Variants in TRIOBP observed in about 807,000 individuals in gnomAD.
TRIOBP encodes TRIO and F-actin-binding protein.
TRIOBP carries 169 observed loss-of-function variants against 238.8 expected under a neutral mutation model. That is an observed-to-expected ratio of 0.71 (90% CI 0.62 to 0.80). The LOEUF (loss-of-function observed/expected upper bound fraction) is 0.80. Among genes scored for constraint, TRIOBP ranks in the 30% least tolerant of loss-of-function variants. The probability of loss-of-function intolerance (pLI) is 0.00; values close to 1 mark genes in which losing one functional copy is unlikely to be tolerated. For missense variants in TRIOBP, 2,838 were observed against 3,122.6 expected, an observed-to-expected ratio of 0.91 and a Z score of 2.17; for synonymous variants, 1,150 against 1,274.4, an observed-to-expected ratio of 0.90 and a Z score of 2.08.
intron 12 of TRIOBP, among the ~76,000 whole-genome samples, chr22:37,754,603 C>T (rs1480714564): frequency 6.6e-6 from 1 of 152,126 alleles, no homozygotes; most frequent in African/African-American, 2.4e-5. Context: ...GTCATCACCC[C>T]TCCCTGTCTG....
At chr22:37,718,026 G>T (rs976047542) in intron 6 of TRIOBP, among the ~76,000 whole-genome samples, 1 of 152,206 alleles carries the variant, frequency 6.6e-6, no homozygotes, top group Admixed American at 6.5e-5. Context: ...CCAGCGCAGC[G>T]CTGGTGGGCG....
intron 17 of TRIOBP, 110 bp from the exon 18 acceptor site, chr22:37,765,560 C>T: frequency 2.1e-6 from 3 of 1,439,912 alleles, no homozygotes; most frequent in Non-Finnish European, 2.8e-6. Flanking sequence ...GTGCTGGGAC[C>T]CAGGAGGAGG....
At position 37,765,683 on chromosome 22, in the gene TRIOBP, G is replaced by A. The variant is rs778535739; in HGVS notation, c.6338G>A (p.Arg2113His). 4.2e-5 allele frequency: 65 copies of A among 1,550,790 alleles called. No homozygotes were observed. Among genetic ancestry groups the A allele is most frequent in the Non-Finnish European group, 5.2e-5 (60 of 1,147,670 alleles). Residue 2113 changes from arginine to histidine, a missense_variant, in exon 18 of 24, where the codon CGC (arginine) becomes CAC (histidine). By Grantham distance (29) the Arg-to-His change is conservative. Around this residue, in one of 5 missense-constraint regions of TRIOBP, gnomAD observed 2,096 missense variants for 2,137.4 expected, o/e 0.98. Coordinates refer to ENST00000644935, the MANE Select transcript of TRIOBP (RefSeq NM_001039141.3). ...PGYISQEACE[R>H]SLAEMESSHQ... ...TCCGGCCCACAGGAGGCATGTGAGC[G>A]CAGCCTGGCAGAGATGGAGTCCTCG...
chr22:37,711,169 G>C (rs1923218094), intron 4 of TRIOBP, among the ~76,000 whole-genome samples: 1 of 152,216 alleles, frequency 6.6e-6, no homozygotes, highest in African/African-American at 2.4e-5. Flanking sequence ...AAGTTACTCT[G>C]TCTTTCTGTG....
At chr22:37,727,252 G>GTT (rs544456439) in intron 7 of TRIOBP, among the ~76,000 whole-genome samples, 110 of 144,632 alleles carry the variant, frequency 7.6e-4, no homozygotes, top group East Asian at 1.4e-3. Context: ...AGACTCATGG[G>GTT]TTTTTTTTTT....
At chr22:37,739,747 C>T (rs886137433) in intron 10 of TRIOBP, among the ~76,000 whole-genome samples, 6 of 152,182 alleles carry the variant, frequency 3.9e-5, no homozygotes, top group Admixed American at 6.5e-5. Context: ...TCGCTAAAGG[C>T]GCTGCCAGCC....
Position 37,724,697 on chromosome 22 carries a change from C to T in TRIOBP, c.2141C>T (p.Thr714Ile). The change falls in exon 7 of 24, where the codon ACC becomes ATC. Residue 714 changes from threonine (T) to isoleucine (I), a missense_variant. Transcript: ENST00000644935. ...DDPRASSPNR[T>I]TQQENPRTSC... ...CCCAGAGCCTCCTCTCCTAACAGAA[C>T]CACCCAACAAGAGAACCCCAGAACA... 2.5e-6 allele frequency: 4 copies of T among 1,610,026 alleles called. No individual in the cohort carries two copies. The highest frequency in any genetic ancestry group is 2.2e-5 in the South Asian group (2 of 90,944).
chr22:37,742,689 A>G (rs552943174), intron 11 of TRIOBP, among the ~76,000 whole-genome samples: 18 of 152,316 alleles, frequency 1.2e-4, no homozygotes, highest in African/African-American at 4.3e-4. Flanking sequence ...AAGGTCACCA[A>G]CACACAGCAC....
At chr22:37,761,730 TG>T (rs995417259) in intron 17 of TRIOBP, among the ~76,000 whole-genome samples, 13 of 149,464 alleles carry the variant, frequency 8.7e-5, no homozygotes, top group Admixed American at 8.1e-4. Flanking sequence ...GAGACCGTCC[TG>T]GGGCCAAGTA....
intron 4 of TRIOBP, among the ~76,000 whole-genome samples, chr22:37,710,809 C>G (rs1305283133): frequency 6.6e-6 from 1 of 152,228 alleles, no homozygotes; most frequent in Admixed American, 6.5e-5. Context: ...CCAGTCCTGG[C>G]TGTCTCTCCC....
At chr22:37,714,528 G>A (rs1454922107) in intron 5 of TRIOBP, among the ~76,000 whole-genome samples, 6 of 152,156 alleles carry the variant, frequency 3.9e-5, no homozygotes, top group African/African-American at 1.4e-4. Context: ...AATTAGCAGG[G>A]TGTGGTGGTG....
rs1178674435 is a variant in TRIOBP, at chr22:37,755,649, G to C, written c.5677G>C (p.Asp1893His). The C allele has an allele frequency of 6.2e-7, 1 of 1,614,024 alleles. No homozygotes were observed. The highest frequency in any genetic ancestry group is 2.2e-5 in the East Asian group (1 of 44,888). Reference sequence around the variant, plus strand: ...GACCGTACGTCCAACTTCAGCCCCAGATGTCACCAAGTACGTACTAAGCTG... The same window carrying C: ...GACCGTACGTCCAACTTCAGCCCCACATGTCACCAAGTACGTACTAAGCTG... ...RKTVRPTSAP[D>H]VTKLSDSNKE... The change falls in exon 15 of 24, where the codon GAT becomes CAT. Residue 1893 changes from aspartate (D) to histidine (H), a missense_variant. Physicochemically the swap from Asp to His is moderately conservative, Grantham distance 81. Around this residue, in one of 5 missense-constraint regions of TRIOBP, gnomAD observed 2,096 missense variants for 2,137.4 expected, o/e 0.98. Transcript: ENST00000644935.
At chr22:37,741,432 A>T (rs1473495038) in intron 11 of TRIOBP, among the ~76,000 whole-genome samples, 1 of 152,212 alleles carries the variant, frequency 6.6e-6, no homozygotes. Context: ...TTTCACAAAC[A>T]TCTGGCGTTA....
At position 37,725,495 on chromosome 22, in the gene TRIOBP, C is replaced by T. The variant is rs199673937; in HGVS notation, c.2939C>T (p.Ser980Phe). ...YNLPSRATSS[S>F]HNPGHQSTSR... ...TTGCCATCCCGGGCCACCTCTTCCT[C>T]CCATAACCCAGGCCACCAGAGCACC... The change falls in exon 7 of 24, where the codon TCC becomes TTC. Residue 980 changes from serine to phenylalanine, a missense_variant. Physicochemically the swap from Ser to Phe is radical, Grantham distance 155 (BLOSUM62 -2). Coordinates refer to ENST00000644935, the MANE Select transcript of TRIOBP (RefSeq NM_001039141.3). 1.7e-4 allele frequency: 278 copies of T among 1,613,644 alleles called. No homozygotes were observed. Among genetic ancestry groups the T allele is most frequent in the Admixed American group, 5.3e-4 (32 of 60,018 alleles).
chr22:37,701,535 A>C, intron 3 of TRIOBP, 56 bp downstream of exon 3: 1 of 1,309,362 alleles, frequency 7.6e-7, no homozygotes, highest in Non-Finnish European at 1.1e-6. Flanking sequence ...TGGGTGAAGG[A>C]CTGGGCCTGT....
At chr22:37,730,433 A>T (rs1448018710) in intron 7 of TRIOBP, among the ~76,000 whole-genome samples, 1 of 152,176 alleles carries the variant, frequency 6.6e-6, no homozygotes, top group Admixed American at 6.5e-5. Context: ...CGTATGGAAA[A>T]TGCATCCATC....
intron 9 of TRIOBP, among the ~76,000 whole-genome samples, chr22:37,736,348 G>C (rs1012713967): frequency 6.6e-6 from 1 of 152,094 alleles, no homozygotes; most frequent in Non-Finnish European, 1.5e-5. Context: ...GGGTGCCGTG[G>C]GGGTTCCTGC....
rs561450390 is a variant in TRIOBP at position 37,708,224 on chromosome 22, C to T, written c.115-2203C>T. Among the ~76,000 whole-genome samples, 359 of 129,920 alleles carry T rather than the reference C, an allele frequency of 2.8e-3. 2 individuals are homozygous for T. The highest frequency in any genetic ancestry group is 0.01 in the African/African-American group (342 of 34,044). 85.2% of individuals were successfully genotyped at this position (129,920 alleles called of 152,430 possible). A position where few individuals can be genotyped will look rare whatever the true frequency, so the allele number is the denominator to read the frequency against. On this transcript the variant is annotated intron_variant, in intron 3 of 23. Transcript: ENST00000644935. ...TCACGCCACTGCACTCTAGCCTGAG[C>T]GACAGAGTGAGACTCCGTCTCACAA...
rs2145889431 is a variant in TRIOBP, at chr22:37,776,107, T to A, written c.*2327T>A. 1 of 152,246 alleles carries A rather than the reference T, an allele frequency of 6.6e-6. No individual in the cohort carries two copies. The highest frequency in any genetic ancestry group is 1.9e-4 in the East Asian group (1 of 5,178). 9.4% of individuals were successfully genotyped at this position (152,246 alleles called of 1,614,324 possible). A position where few individuals can be genotyped will look rare whatever the true frequency, so the allele number is the denominator to read the frequency against. On this transcript the variant is annotated 3_prime_UTR_variant, in exon 24 of 24. Coordinates refer to ENST00000644935, the MANE Select transcript of TRIOBP (RefSeq NM_001039141.3). ...CAACCTAACTCAGGGCTCCCCCGTCTCACACCTGGGTTGCAGGAACATCCT... is the reference window on the plus strand; with the variant it reads ...CAACCTAACTCAGGGCTCCCCCGTCACACACCTGGGTTGCAGGAACATCCT...
Sources: allele counts gnomAD v4.1 joint callset (sites outside exome capture counted in the v4.1 genomes callset), GRCh38; gene constraint gnomAD v4.1.1; regional missense constraint gnomAD v4.1.1; transcripts MANE v1.5; gene names NCBI Gene and HGNC (gene_info 2026-07-23, HGNC 2026-07-21).